Variants in GSE1 observed in about 807,000 individuals in gnomAD.
GSE1 encodes the protein Gse1 coiled-coil protein.
In GSE1, 32 loss-of-function variants were observed where a neutral mutation model predicts 112.6. The ratio of observed to expected loss-of-function variants is 0.28; its 90% CI spans 0.21 to 0.38. GSE1 has a LOEUF of 0.38. GSE1 is among the 10% of genes least tolerant of loss of function. The pLI, the probability that GSE1 is intolerant of heterozygous loss-of-function variation, is 1.00. For synonymous variants in GSE1, 1,115 were observed against 735.6 expected, an observed-to-expected ratio of 1.52 and a Z score of -8.35; for missense variants, 2,348 against 1,699.2, an observed-to-expected ratio of 1.38 and a Z score of -6.71.
intron 1 of GSE1, among the ~76,000 whole-genome samples, chr16:85,570,037 C>T (rs1212462185): frequency 2.0e-5 from 3 of 152,166 alleles, no homozygotes; most frequent in Non-Finnish European, 4.4e-5. Context: ...GATACAGTTG[C>T]GGCCCTGAGT....
chr16:85,466,708 AGAGAGGGAGAGAGGGAGAGAGAGG>A (rs753166006), intron 2 of GSE1, among the ~76,000 whole-genome samples: 4 of 138,568 alleles, frequency 2.9e-5, no homozygotes, highest in Non-Finnish European at 4.7e-5. Context: ...ATATAGAGAG[AGAGAGGGAGAGAGGGAGAGAGAGG>A]GAGAGCGCAC....
intron 1 of GSE1, among the ~76,000 whole-genome samples, chr16:85,178,964 C>T (rs2074525370): frequency 6.6e-6 from 1 of 152,092 alleles, no homozygotes; most frequent in South Asian, 2.1e-4. Flanking sequence ...TGGGGCTGCC[C>T]TGGAGAAAGC....
intron 2 of GSE1, among the ~76,000 whole-genome samples, chr16:85,374,495 C>A (rs932276889): frequency 4.0e-5 from 6 of 149,748 alleles, no homozygotes; most frequent in African/African-American, 9.8e-5. Flanking sequence ...GGGTGTGTGG[C>A]TCTCAGTGTA....
intron 1 of GSE1, among the ~76,000 whole-genome samples, chr16:85,243,157 T>C (rs922995564): frequency 6.6e-6 from 1 of 152,210 alleles, no homozygotes. Flanking sequence ...CACAAATGTA[T>C]CAGTTTGGAA....
intron 2 of GSE1, chr16:85,463,251 C>G (rs919535494): frequency 3.6e-6 from 1 of 275,558 alleles, no homozygotes; most frequent in Non-Finnish European, 5.5e-6. Context: ...CCCTCCAGCC[C>G]CATCACCTTC....
At chr16:85,594,244 G>GC (rs2047125511) in intron 1 of GSE1, 1 of 131,806 alleles carries the variant, frequency 7.6e-6, no homozygotes, top group South Asian at 3.0e-4. Flanking sequence ...GGGGGGGGGG[G>GC]GCGGAGGGGA....
chr16:85,337,336 C>T (rs1384356308), intron 1 of GSE1, among the ~76,000 whole-genome samples: 2 of 141,016 alleles, frequency 1.4e-5, no homozygotes, highest in Non-Finnish European at 3.1e-5. Flanking sequence ...GACGGAGTCT[C>T]GCTCTGTCGC....
chr16:85,666,650 CAG>C, intron 13 of GSE1: 1 of 386,324 alleles, frequency 2.6e-6, no homozygotes, highest in East Asian at 5.7e-5. Context: ...TTGGTTTTTG[CAG>C]AGATTAAAAG....
rs76851674 is a variant in GSE1 at position 85,525,960 on chromosome 16, G to A, written c.2465-107954G>A. 6.1e-4 allele frequency among the ~76,000 whole-genome samples: 93 copies of A among 152,306 alleles called. No individual in the cohort carries two copies. In the East Asian group the frequency reaches 0.015, roughly 24 times the overall value. ...GGACACCAGCCAGCAGCCTTGGACT[G>A]GCTGCATTGACTCTGCCGGGGTAGA... is the stretch of plus-strand genomic sequence containing the variant. On this transcript the variant is annotated intron_variant, in intron 2 of 2. Coordinates refer to the GSE1 transcript ENST00000637419.
chr16:85,583,553 TCA>T (rs75102426), intron 1 of GSE1: 9,614 of 148,780 alleles, frequency 0.065, 416 homozygotes, highest in Non-Finnish European at 0.093. Context: ...ACGCCTGAAG[TCA>T]CACACGCAGG....
chr16:85,464,498 G>A (rs933767557), intron 2 of GSE1, among the ~76,000 whole-genome samples: 2 of 152,230 alleles, frequency 1.3e-5, no homozygotes, highest in African/African-American at 4.8e-5. Flanking sequence ...TGGTGGAGGA[G>A]GGCCTCGGCA....
intron 2 of GSE1, among the ~76,000 whole-genome samples, chr16:85,636,331 G>A (rs547055343): frequency 2.3e-4 from 35 of 152,332 alleles, no homozygotes; most frequent in African/African-American, 8.2e-4. Context: ...GGGGCTCGGA[G>A]TCTGCGGATG....
chr16:85,550,082 G>A (rs55925421), intron 2 of GSE1, among the ~76,000 whole-genome samples: 47,015 of 152,078 alleles, frequency 0.31, 7,493 homozygotes, highest in Middle Eastern at 0.47. Flanking sequence ...GTGATTACAC[G>A]TATCTTCCTG....
chr16:85,507,349 C>A (rs911901920), intron 2 of GSE1, among the ~76,000 whole-genome samples: 67 of 152,172 alleles, frequency 4.4e-4, no homozygotes, highest in Admixed American at 2.0e-3. Context: ...CAAGGCCAAA[C>A]CCCACTCGTC....
intron 2 of GSE1, among the ~76,000 whole-genome samples, chr16:85,481,868 C>T (rs1057013866): frequency 1.5e-4 from 23 of 152,190 alleles, no homozygotes; most frequent in Admixed American, 9.2e-4. Flanking sequence ...GGTCACACGG[C>T]GCAGAGGTGG....
At chr16:85,476,462 T>G (rs188301569) in intron 2 of GSE1, among the ~76,000 whole-genome samples, 1 of 152,254 alleles carries the variant, frequency 6.6e-6, no homozygotes, top group African/African-American at 2.4e-5. Flanking sequence ...CACGTCTGCT[T>G]TAAACTCCGT....
chr16:85,312,167 A>T (rs2045868094), intron 1 of GSE1, among the ~76,000 whole-genome samples: 1 of 135,830 alleles, frequency 7.4e-6, no homozygotes, highest in Non-Finnish European at 1.5e-5. Flanking sequence ...AGCTCAGAGA[A>T]CATTGCAATC....
At chr16:85,650,891 A>C (rs2151890753) in intron 3 of GSE1, among the ~76,000 whole-genome samples, 1 of 150,990 alleles carries the variant, frequency 6.6e-6, no homozygotes, top group Non-Finnish European at 1.5e-5. Flanking sequence ...TCTCGGGGTC[A>C]CCCCTCTCTC....
rs549144370 is a variant in GSE1 at position 85,213,492 on chromosome 16, A to T, written c.2283+41685A>T. On this transcript the variant is annotated intron_variant, in intron 1 of 2. Transcript: ENST00000637419. ...CAGCCCCTCACCCCCTACTATTATA[A>T]TAACAGTGCAAAGGACCTCCCTGTG... 7.2e-5 allele frequency among the ~76,000 whole-genome samples: 11 copies of T among 152,300 alleles called. No individual in the cohort carries two copies. In the East Asian group the frequency reaches 1.7e-3, roughly 24 times the overall value.
Sources: gnomAD v4.1 joint callset for allele counts (sites outside exome capture counted in the v4.1 genomes callset) on GRCh38, gnomAD v4.1.1 for gene constraint, MANE v1.5 for transcripts, NCBI Gene and HGNC (gene_info 2026-07-23, HGNC 2026-07-21) for gene names.